Variants in TCTN2 observed in about 807,000 individuals in gnomAD.
The protein encoded by TCTN2 is tectonic-2.
In TCTN2, 66 loss-of-function variants were observed where a neutral mutation model predicts 83.4. The observed-to-expected ratio is 0.79, with a 90% confidence interval of 0.65 to 0.97. The LOEUF (loss-of-function observed/expected upper bound fraction) is 0.97. Among genes scored for constraint, TCTN2 ranks in the 50% least tolerant of loss-of-function variants. TCTN2 has a pLI of 0.00. For synonymous variants in TCTN2, 301 were observed against 326.7 expected, an observed-to-expected ratio of 0.92 and a Z score of 0.85; for missense variants, 794 against 858.1, an observed-to-expected ratio of 0.93 and a Z score of 0.93.
intron 14 of TCTN2, among the ~76,000 whole-genome samples, chr12:123,700,456 G>A (rs955316605): frequency 9.9e-5 from 15 of 151,938 alleles, no homozygotes; most frequent in Non-Finnish European, 1.2e-4. Context: ...TTTTGAGACG[G>A]AGTCTTGCTC....
chr12:123,678,638 T>C (rs1439132362), intron 4 of TCTN2, among the ~76,000 whole-genome samples: 1 of 152,110 alleles, frequency 6.6e-6, no homozygotes, highest in African/African-American at 2.4e-5. Flanking sequence ...AGTCAATTGA[T>C]TATCTTCTAG....
At chr12:123,675,093 G>T (rs1283364885) in intron 4 of TCTN2, among the ~76,000 whole-genome samples, 1 of 152,068 alleles carries the variant, frequency 6.6e-6, no homozygotes, top group Non-Finnish European at 1.5e-5. Context: ...AGCCAGGCTG[G>T]TTTTGAACTC....
chr12:123,699,623 T>C (rs1956148719), intron 13 of TCTN2, 81 bp from the exon 14 acceptor site: 1 of 1,200,274 alleles, frequency 8.3e-7, no homozygotes, highest in African/African-American at 1.5e-5. Context: ...CACTCGGAAG[T>C]GAAACCCGGA....
At chr12:123,692,331 C>T (rs1956053324) in intron 8 of TCTN2, among the ~76,000 whole-genome samples, 1 of 152,192 alleles carries the variant, frequency 6.6e-6, no homozygotes, top group Non-Finnish European at 1.5e-5. Context: ...AGGCGTGAGC[C>T]CCTGCGCCTG....
In TCTN2 at chr12:123,706,779, C is replaced by T. The variant is rs1191988999; in HGVS notation, c.1823C>T (p.Ala608Val). Residue 608 changes from alanine (A) to valine (V), a missense_variant, in exon 16 of 18, where the codon GCC becomes GTC. By Grantham distance (64) the Ala-to-Val change is moderately conservative. Coordinates refer to ENST00000303372, the MANE Select transcript of TCTN2 (RefSeq NM_024809.5). ...TGTGGGCTTACCTGTGAGCACAAGGCCGACCTTCTCCCTATCAGTGCATCC... is the reference window on the plus strand; with the variant it reads ...TGTGGGCTTACCTGTGAGCACAAGGTCGACCTTCTCCCTATCAGTGCATCC... ...YQCGLTCEHK[A>V]DLLPISASVQ... is the part of the protein sequence containing the mutation. 1.2e-6 allele frequency: 2 copies of T among 1,614,136 alleles called. No individual in the cohort carries two copies. Among genetic ancestry groups the T allele is most frequent in the Non-Finnish European group, 1.7e-6 (2 of 1,180,020 alleles).
chr12:123,679,736 GT>G (rs768949387), intron 5 of TCTN2, among the ~76,000 whole-genome samples: 101 of 105,758 alleles, frequency 9.6e-4, no homozygotes, highest in African/African-American at 1.6e-3. Context: ...TTCAAATTGA[GT>G]TTTTTTTTTT....
At chr12:123,705,226 T>C (rs571337646) in intron 15 of TCTN2, among the ~76,000 whole-genome samples, 2 of 142,246 alleles carry the variant, frequency 1.4e-5, no homozygotes, top group East Asian at 4.3e-4. Flanking sequence ...GCAGTGGCAA[T>C]ATCTTGACTC....
Position 123,695,270 on chromosome 12 carries a change from A to G in TCTN2, c.1285A>G (p.Asn429Asp). 6.3e-7 allele frequency: 1 copy of G among 1,579,048 alleles called. No individual in the cohort carries two copies. Among genetic ancestry groups the G allele is most frequent in the South Asian group, 1.1e-5 (1 of 90,314 alleles). The change falls in exon 11 of 18, where the codon AAT (asparagine) becomes GAT (aspartate). Residue 429 changes from asparagine (N) to aspartate (D), a missense_variant. Physicochemically the swap from Asn to Asp is conservative, Grantham distance 23. Transcript: ENST00000303372. ...VVKFLSYNSG[N>D]EEELSGNPGY... ...AAAATTTTTAAGCTATAATAGTGGT[A>G]ATGAAGAAGAATTATCTGGAAATCC...
At chr12:123,677,480 A>AC (rs1472015740) in intron 4 of TCTN2, among the ~76,000 whole-genome samples, 2 of 152,228 alleles carry the variant, frequency 1.3e-5, no homozygotes, top group Non-Finnish European at 2.9e-5. Flanking sequence ...TGAAACTTTT[A>AC]TCTGATAAAT....
At chr12:123,700,930 A>G (rs1274399128) in intron 14 of TCTN2, among the ~76,000 whole-genome samples, 1 of 152,240 alleles carries the variant, frequency 6.6e-6, no homozygotes, top group South Asian at 2.1e-4. Context: ...CCTGGATGAC[A>G]GAGCAAGATC....
At chr12:123,691,793 G>A (rs532705815) in intron 8 of TCTN2, among the ~76,000 whole-genome samples, 10 of 150,908 alleles carry the variant, frequency 6.6e-5, no homozygotes, top group African/African-American at 2.4e-4. Flanking sequence ...GTGCAGTGAC[G>A]TGATCTCGGC....
intron 3 of TCTN2, among the ~76,000 whole-genome samples, chr12:123,673,006 C>T (rs111699313): frequency 5.9e-5 from 9 of 152,140 alleles, no homozygotes; most frequent in Middle Eastern, 3.4e-3. Context: ...GCCGAGATCA[C>T]GCCACTGCAC....
In TCTN2 at chr12:123,696,493, C is replaced by T. The variant is rs991572501; in HGVS notation, c.1391C>T (p.Ser464Leu). ...NNVTTLHLWQ[S>L]AGRGLCTSAT... ...GTCACGACTTTACATCTTTGGCAATCGGGTAATCCGGTTTGGTCATTATGA... is the reference window on the plus strand; with the variant it reads ...GTCACGACTTTACATCTTTGGCAATTGGGTAATCCGGTTTGGTCATTATGA... The change falls in exon 12 of 18, where the codon TCG (serine) becomes TTG (leucine). Residue 464 changes from serine to leucine, a missense_variant and splice_region_variant. Coordinates refer to ENST00000303372, the MANE Select transcript of TCTN2 (RefSeq NM_024809.5). 8.1e-6 allele frequency: 13 copies of T among 1,613,672 alleles called. No individual in the cohort carries two copies. Among genetic ancestry groups the T allele is most frequent in the South Asian group, 5.5e-5 (5 of 91,064 alleles).
chr12:123,676,947 A>G (rs113310757), intron 4 of TCTN2, among the ~76,000 whole-genome samples: 54,344 of 151,990 alleles, frequency 0.36, 10,201 homozygotes, highest in African/African-American at 0.41. Context: ...GGAGGCCAAG[A>G]TGGGAGGATC....
rs1372721255 is a variant in TCTN2 at position 123,671,224 on chromosome 12, C to T, written c.-17C>T. On this transcript the variant is annotated 5_prime_UTR_variant, in exon 1 of 18. Coordinates refer to ENST00000303372, the MANE Select transcript of TCTN2 (RefSeq NM_024809.5). ...GAGGGCGCGGTTCTGCTGTGCCCGG[C>T]CCGCGAGGTCTAAGGCATGGGCTTC... 12 of 1,608,548 alleles carry T rather than the reference C, an allele frequency of 7.5e-6. No individual in the cohort carries two copies. The highest frequency in any genetic ancestry group is 1.3e-5 in the African/African-American group (1 of 74,844).
chr12:123,700,063 G>C, intron 14 of TCTN2: 1 of 546,330 alleles, frequency 1.8e-6, no homozygotes, highest in Non-Finnish European at 3.3e-6. Flanking sequence ...CCAGGCTGGA[G>C]TGCAGTGGTG....
intron 5 of TCTN2, among the ~76,000 whole-genome samples, chr12:123,679,982 G>T (rs1395777934): frequency 1.3e-5 from 2 of 149,866 alleles, no homozygotes. Flanking sequence ...CTCGTGATCC[G>T]CCCGCCTCGG....
intron 3 of TCTN2, among the ~76,000 whole-genome samples, chr12:123,673,132 C>A (rs1198509357): frequency 6.6e-6 from 1 of 152,142 alleles, no homozygotes; most frequent in African/African-American, 2.4e-5. Flanking sequence ...GATTAAGCAT[C>A]TTCTATTTAA....
At chr12:123,699,360 G>A (rs368342068) in intron 13 of TCTN2, among the ~76,000 whole-genome samples, 1 of 151,844 alleles carries the variant, frequency 6.6e-6, no homozygotes. Context: ...TTGCCCTGTT[G>A]CCCAGGCTGG....
Sources: gnomAD v4.1 joint callset for allele counts (sites outside exome capture counted in the v4.1 genomes callset) on GRCh38, gnomAD v4.1.1 for gene constraint, MANE v1.5 for transcripts, NCBI Gene and HGNC (gene_info 2026-07-23, HGNC 2026-07-21) for gene names.